DACH2: variants seen among roughly 807,000 people sequenced by gnomAD.
DACH2 encodes the protein dachshund family transcription factor 2, also known as dachshund homolog 2.
Under a neutral mutation model 35.8 loss-of-function variants are expected in DACH2, and 17 were observed. The ratio of observed to expected loss-of-function variants is 0.48; its 90% CI spans 0.33 to 0.71. The LOEUF is 0.71. Among genes scored for constraint, DACH2 ranks in the 30% least tolerant of loss-of-function variants. The pLI is 0.02. For synonymous variants in DACH2, 195 were observed against 177.3 expected (o/e 1.10, Z -0.79); for missense variants, 469 against 472.7 (o/e 0.99, Z 0.07).
intron 1 of DACH2, among the ~76,000 whole-genome samples, chrX:86,295,760 G>T (rs190660804): frequency 9.0e-6 from 1 of 111,011 alleles, no homozygotes; most frequent in Admixed American, 9.6e-5. Context: ...ACACAGAAAT[G>T]GTCTCCACAA....
At chrX:86,814,947 G>A in intron 10 of DACH2, 113 bp downstream of exon 10, 11 of 774,765 alleles carry the variant, frequency 1.4e-5, no homozygotes, top group South Asian at 7.0e-5. Context: ...AGGGAGAGAG[G>A]GAAACACAGA....
chrX:86,734,174 A>G (rs1171720244), intron 6 of DACH2, among the ~76,000 whole-genome samples: 5 of 110,971 alleles, frequency 4.5e-5, no homozygotes, highest in Non-Finnish European at 9.5e-5. Flanking sequence ...CAAGTTCATC[A>G]CATTAAAGAG....
Position 86,307,329 on chromosome X carries a change from A to T in DACH2, c.489-69495A>T, listed in dbSNP as rs751580635. 4.5e-5 allele frequency among the ~76,000 whole-genome samples: 5 copies of T among 111,972 alleles called. No homozygotes were observed. In the Admixed American group the frequency reaches 4.7e-4, roughly 11 times the overall value. Reference sequence around the variant, plus strand: ...CAAGTTCTTATCATGAAAGTGGTTGACCTGCAATGAAAGATGCATGGACTT... The same window carrying T: ...CAAGTTCTTATCATGAAAGTGGTTGTCCTGCAATGAAAGATGCATGGACTT... On this transcript the variant is annotated intron_variant, in intron 1 of 11. Transcript: ENST00000373125.
intron 1 of DACH2, among the ~76,000 whole-genome samples, chrX:86,286,253 G>T (rs867584116): frequency 5.5e-4 from 55 of 100,689 alleles, no homozygotes; most frequent in Non-Finnish European, 1.6e-4. Context: ...TCAGCCTCCC[G>T]AGTAGCTGGG....
At chrX:86,828,768 G>A (rs1205487588) in intron 11 of DACH2, 3 of 109,285 alleles carry the variant, frequency 2.7e-5, no homozygotes, top group African/African-American at 9.8e-5. Flanking sequence ...ACCATTGGCT[G>A]GGGGCAGATA....
intron 2 of DACH2, among the ~76,000 whole-genome samples, chrX:86,381,998 A>G (rs1186899424): frequency 9.0e-6 from 1 of 111,165 alleles, no homozygotes; most frequent in African/African-American, 3.3e-5. Flanking sequence ...CCTTTTATGC[A>G]CATTTCTGAT....
At chrX:86,774,295 G>GC (rs1003461762) in intron 7 of DACH2, among the ~76,000 whole-genome samples, 1 of 111,606 alleles carries the variant, frequency 9.0e-6, no homozygotes, top group Non-Finnish European at 1.9e-5. Flanking sequence ...AGAAGTCACA[G>GC]CCCCCCTTTT....
intron 4 of DACH2, 35 bp downstream of exon 4, chrX:86,651,202 T>C (rs377565369): frequency 2.5e-6 from 3 of 1,180,400 alleles, no homozygotes; most frequent in African/African-American, 3.6e-5. Context: ...CCAATGACTC[T>C]TACTGTTCTA....
At chrX:86,260,968 G>C (rs2147962199) in intron 1 of DACH2, among the ~76,000 whole-genome samples, 2 of 112,212 alleles carry the variant, frequency 1.8e-5, no homozygotes, top group East Asian at 5.6e-4. Flanking sequence ...GGCAACATTT[G>C]TTCAACTCTT....
At chrX:86,830,050 C>A (rs1001343856) in intron 11 of DACH2, 1 of 111,411 alleles carries the variant, frequency 9.0e-6, no homozygotes, top group Non-Finnish European at 1.9e-5. Flanking sequence ...CCTAATGAAG[C>A]GAGCACACTG....
intron 2 of DACH2, among the ~76,000 whole-genome samples, chrX:86,506,961 C>T (rs1315706487): frequency 1.8e-5 from 2 of 111,794 alleles, no homozygotes; most frequent in Non-Finnish European, 3.8e-5. Context: ...AAGTGCTTTC[C>T]ACTGCACTAC....
rs191157708 is a variant in DACH2 at position 86,688,418 on chromosome X, G to A, written c.773-6603G>A. 4.8e-3 allele frequency among the ~76,000 whole-genome samples: 534 copies of A among 111,882 alleles called. 6 individuals carry two copies. Among genetic ancestry groups the A allele is most frequent in the African/African-American group, 0.016 (508 of 30,812 alleles). On this transcript the variant is annotated intron_variant, in intron 4 of 11. Coordinates refer to ENST00000373125, the MANE Select transcript of DACH2 (RefSeq NM_053281.3). ...AGTAATGAGGGTTCAAACAAAGGCA[G>A]TGTCAGTGGGAATGGAAGGGAACCC...
intron 2 of DACH2, among the ~76,000 whole-genome samples, chrX:86,427,313 A>G (rs994628902): frequency 2.7e-5 from 3 of 111,372 alleles, no homozygotes; most frequent in Non-Finnish European, 1.9e-5. Context: ...GAAATTGTGG[A>G]AAATTTTTTA....
rs903992564 is a variant in DACH2, at chrX:86,283,731, G to A, written c.489-93093G>A. On this transcript the variant is annotated intron_variant, in intron 1 of 11. Transcript: ENST00000373125. Reference sequence around the variant, plus strand: ...TCACACACTGGGGCCTGTTGGGGGTGGGGGGACTGGGTGGGGGATAGCATT... The same window carrying A: ...TCACACACTGGGGCCTGTTGGGGGTAGGGGGACTGGGTGGGGGATAGCATT... 1.2e-4 allele frequency among the ~76,000 whole-genome samples: 13 copies of A among 107,384 alleles called. 1 individual carries two copies. The highest frequency in any genetic ancestry group is 3.0e-4 in the East Asian group (1 of 3,358). The allele number at this position is 107,384 out of a possible 115,157, so 93.3% of individuals were successfully genotyped here.
At chrX:86,580,941 T>A (rs2039493598) in intron 3 of DACH2, among the ~76,000 whole-genome samples, 3 of 111,338 alleles carry the variant, frequency 2.7e-5, no homozygotes, top group Admixed American at 1.9e-4. Context: ...AGTTATGAAA[T>A]TCTCCAAGGT....
intron 3 of DACH2, among the ~76,000 whole-genome samples, chrX:86,549,595 T>C (rs936855872): frequency 9.0e-6 from 1 of 110,734 alleles, no homozygotes; most frequent in Non-Finnish European, 1.9e-5. Flanking sequence ...TTTTTATTTT[T>C]GCCTTTCTCT....
chrX:86,196,692 C>CAAAAAAA lies in DACH2; in HGVS notation c.488+47605_488+47611dup. The stretch of plus-strand genomic sequence containing the variant: ...TGGGTGACAAAGCGAGACTCCATCT[C>CAAAAAAA]AAAAAAAAAAAAAAAAAAAAAAAAA... On this transcript the variant is annotated intron_variant, in intron 1 of 11. Transcript: ENST00000373125. 2.6e-3 allele frequency among the ~76,000 whole-genome samples: 71 copies of CAAAAAAA among 27,355 alleles called. 1 individual carries two copies. Among genetic ancestry groups the CAAAAAAA allele is most frequent in the African/African-American group, 0.011 (64 of 5,890 alleles). The allele number at this position is 27,355 out of a possible 115,157, so 23.8% of individuals were successfully genotyped here.
intron 1 of DACH2, among the ~76,000 whole-genome samples, chrX:86,257,532 T>G (rs1248269677): frequency 9.0e-6 from 1 of 111,346 alleles, no homozygotes; most frequent in Non-Finnish European, 1.9e-5. Context: ...CTCAGCCTCC[T>G]GAGTAGTTAG....
At chrX:86,600,065 T>A (rs1885150698) in intron 3 of DACH2, among the ~76,000 whole-genome samples, 1 of 111,548 alleles carries the variant, frequency 9.0e-6, no homozygotes, top group African/African-American at 3.3e-5. Context: ...CATTCAGCTG[T>A]AAACTGGGAA....
Sources: gnomAD v4.1 joint callset for allele counts (sites outside exome capture counted in the v4.1 genomes callset) on GRCh38, gnomAD v4.1.1 for gene constraint, MANE v1.5 for transcripts, NCBI Gene and HGNC (gene_info 2026-07-23, HGNC 2026-07-21) for gene names.